Variants in ZNF595 observed in about 807,000 individuals in gnomAD.
ZNF595 encodes the protein zinc finger protein 595.
Under a neutral mutation model 19.4 loss-of-function variants are expected in ZNF595, and 9 were observed. The observed-to-expected ratio is 0.46, with a 90% CI of 0.28 to 0.81. ZNF595 has a LOEUF of 0.81. Among genes scored for constraint, ZNF595 ranks in the 30% least tolerant of loss-of-function variants. The pLI is 0.11. For missense variants in ZNF595, 729 were observed against 736.0 expected (o/e 0.99, Z 0.11); for synonymous variants, 255 against 255.9 (o/e 1.00, Z 0.03).
At position 87,075 on chromosome 4, in the gene ZNF595, T is replaced by C. The variant is rs782104952; in HGVS notation, c.1571T>C (p.Ile524Thr). Reference sequence around the variant, plus strand: ...GCTTTTAACCAATCCTCAGGCCTTATTATACACAGGAGCATTCATTCTGAA... The same window carrying C: ...GCTTTTAACCAATCCTCAGGCCTTACTATACACAGGAGCATTCATTCTGAA... ...GKAFNQSSGL[I>T]IHRSIHSEQK... Residue 524 changes from isoleucine to threonine, a missense_variant, in exon 4 of 4, where the codon ATT (isoleucine) becomes ACT (threonine). Physicochemically the swap from Ile to Thr is moderately conservative, Grantham distance 89. Coordinates refer to ENST00000610261, the MANE Select transcript of ZNF595 (RefSeq NM_182524.4). 3 of 1,610,530 alleles carry C rather than the reference T, an allele frequency of 1.9e-6. No individual in the cohort carries two copies. The highest frequency in any genetic ancestry group is 1.7e-5 in the Admixed American group (1 of 59,686).
chr4:82,489 A>G (rs1473376617), intron 3 of ZNF595, among the ~76,000 whole-genome samples: 1 of 144,710 alleles, frequency 6.9e-6, no homozygotes, highest in Non-Finnish European at 1.5e-5. Flanking sequence ...GGTTCAAGCG[A>G]TTCTCCTGCC....
chr4:78,672 A>G (rs1489167490), intron 3 of ZNF595, among the ~76,000 whole-genome samples: 1 of 152,228 alleles, frequency 6.6e-6, no homozygotes, highest in Non-Finnish European at 1.5e-5. Context: ...AGATGTAAAT[A>G]TCTAATTGTG....
chr4:74,536 T>A (rs1713565727), intron 3 of ZNF595, among the ~76,000 whole-genome samples: 1 of 152,242 alleles, frequency 6.6e-6, no homozygotes, highest in Non-Finnish European at 1.5e-5. Flanking sequence ...GACACACATC[T>A]GTGGCAGGAA....
rs1581314904 is a variant in ZNF595 at position 57,745 on chromosome 4, C to A, written c.4-1685C>A. ...TTTTATTGTTTTGTGAGTTTTGATA[C>A]CACCACCTGCATGGCTGTTTATGGA... On this transcript the variant is annotated intron_variant, in intron 1 of 3. Coordinates refer to ENST00000610261, the MANE Select transcript of ZNF595 (RefSeq NM_182524.4). 1.7e-3 allele frequency among the ~76,000 whole-genome samples: 254 copies of A among 146,536 alleles called. No homozygotes were observed. In the South Asian group the frequency reaches 0.02, roughly 12 times the overall value.
At chr4:83,603 G>A (rs1490491821) in intron 3 of ZNF595, among the ~76,000 whole-genome samples, 1 of 117,782 alleles carries the variant, frequency 8.5e-6, no homozygotes, top group Non-Finnish European at 1.6e-5. Context: ...CTGGGTGACA[G>A]AGTGAGACTC....
Position 85,740 on chromosome 4 carries a change from C to T in ZNF595, c.236C>T (p.Ser79Phe). ...ETAAKPPAICSPFSQDLSPVQ... is the reference protein window; with the variant it reads ...ETAAKPPAICFPFSQDLSPVQ... The stretch of plus-strand genomic sequence containing the variant: ...TTTTTATTTCTTTCAGCTATATGTT[C>T]TCCTTTCAGCCAAGACCTTTCACCA... The change falls in exon 4 of 4, where the codon TCT becomes TTT. Residue 79 changes from serine to phenylalanine, a missense_variant. Physicochemically the swap from Ser to Phe is radical, Grantham distance 155. Around this residue, in one of 2 missense-constraint regions of ZNF595, gnomAD observed 729 missense variants for 675.3 expected, o/e 1.08. Transcript: ENST00000610261. 6.4e-7 allele frequency: 1 copy of T among 1,564,954 alleles called. No homozygotes were observed. The highest frequency in any genetic ancestry group is 8.6e-7 in the Non-Finnish European group (1 of 1,157,124).
chr4:73,696 C>T (rs543833101), intron 3 of ZNF595, among the ~76,000 whole-genome samples: 1 of 152,226 alleles, frequency 6.6e-6, no homozygotes, highest in East Asian at 1.9e-4. Context: ...TTGGCTTTTA[C>T]TGAATTGTAT....
intron 3 of ZNF595, among the ~76,000 whole-genome samples, chr4:74,623 C>G (rs550731425): frequency 6.6e-6 from 1 of 152,070 alleles, no homozygotes. Flanking sequence ...AGGCAGCAAT[C>G]GATATATGTA....
chr4:65,186 T>C (rs1713039475), intron 3 of ZNF595, among the ~76,000 whole-genome samples: 2 of 137,388 alleles, frequency 1.5e-5, no homozygotes, highest in Non-Finnish European at 3.1e-5. Context: ...TCTGTAGCCA[T>C]GTCTGTGGGC....
chr4:79,325 T>A (rs192146219), intron 3 of ZNF595, among the ~76,000 whole-genome samples: 6 of 152,360 alleles, frequency 3.9e-5, no homozygotes, highest in African/African-American at 1.4e-4. Flanking sequence ...GTCACATTTT[T>A]AAAATCTGAT....
chr4:81,582 T>A (rs1241510100), intron 3 of ZNF595, among the ~76,000 whole-genome samples: 1 of 152,234 alleles, frequency 6.6e-6, no homozygotes, highest in Non-Finnish European at 1.5e-5. Context: ...TAAATATTTT[T>A]AAATATTCAG....
Position 86,470 on chromosome 4 carries a change from ACAGT to A in ZNF595, c.968_971del (p.Gln323ProfsTer4), listed in dbSNP as rs782674328. On this transcript the variant is annotated frameshift_variant, in exon 4 of 4. Coordinates refer to ENST00000610261, the MANE Select transcript of ZNF595 (RefSeq NM_182524.4). LOFTEE classifies it high-confidence loss of function. ...GTAAAGAATGTGGCAAAGCCTTTAG[ACAGT>A]CCAGGAGCCTGAATGAACATAAAAA... The A allele has an allele frequency of 3.7e-6, 6 of 1,613,134 alleles. No homozygotes were observed. Among genetic ancestry groups the A allele is most frequent in the Non-Finnish European group, 5.1e-6 (6 of 1,179,742 alleles).
chr4:70,604 C>T (rs1233628424), intron 3 of ZNF595, among the ~76,000 whole-genome samples: 1 of 152,188 alleles, frequency 6.6e-6, no homozygotes, highest in East Asian at 1.9e-4. Context: ...TTTCAGAGTT[C>T]TGGGATTAGG....
At chr4:72,472 T>C (rs1187080830) in intron 3 of ZNF595, among the ~76,000 whole-genome samples, 2 of 152,172 alleles carry the variant, frequency 1.3e-5, no homozygotes, top group Non-Finnish European at 2.9e-5. Flanking sequence ...TGCCAAAACA[T>C]CAGTTTCTTT....
intron 3 of ZNF595, among the ~76,000 whole-genome samples, chr4:73,971 A>G (rs1018194698): frequency 2.0e-5 from 3 of 152,012 alleles, no homozygotes; most frequent in African/African-American, 7.3e-5. Context: ...TGGTGATAGA[A>G]GTTTGGTTGG....
chr4:69,845 C>T (rs1553797618), intron 3 of ZNF595, among the ~76,000 whole-genome samples: 1 of 152,098 alleles, frequency 6.6e-6, no homozygotes, highest in African/African-American at 2.4e-5. Flanking sequence ...CATTTTTGCC[C>T]AGTTTAATTT....
intron 3 of ZNF595, among the ~76,000 whole-genome samples, chr4:76,949 A>G (rs981170473): frequency 5.3e-5 from 8 of 152,186 alleles, no homozygotes; most frequent in African/African-American, 1.7e-4. Context: ...TCCTTCTGCT[A>G]TAGACATTTT....
intron 3 of ZNF595, among the ~76,000 whole-genome samples, chr4:82,655 A>G (rs1553800250): frequency 6.6e-6 from 1 of 151,924 alleles, no homozygotes; most frequent in African/African-American, 2.4e-5. Flanking sequence ...AAGTGCTTGG[A>G]TTACAGGCAT....
chr4:87,551 A>T lies in ZNF595; in HGVS notation c.*100A>T. 1 of 1,183,706 alleles carries T rather than the reference A, an allele frequency of 8.4e-7. No individual in the cohort carries two copies. The allele number at this position is 1,183,706 out of a possible 1,614,324, so 73.3% of individuals were successfully genotyped here. A position where few individuals can be genotyped will look rare whatever the true frequency, so the allele number is the denominator to read the frequency against. ...ACTTGTATTATTTTTCTTATTTTAA[A>T]TTTTTTAAAATTTCTGTAGGTACAT... On this transcript the variant is annotated 3_prime_UTR_variant, in exon 4 of 4. Coordinates refer to ENST00000610261, the MANE Select transcript of ZNF595 (RefSeq NM_182524.4).
Sources: allele counts gnomAD v4.1 joint callset (sites outside exome capture counted in the v4.1 genomes callset), GRCh38; gene constraint gnomAD v4.1.1; regional missense constraint gnomAD v4.1.1; transcripts MANE v1.5; gene names NCBI Gene and HGNC (gene_info 2026-07-23, HGNC 2026-07-21).